The following IL1RAPL1 variants were observed in gnomAD, a reference collection of about 807,000 sequenced individuals.
IL1RAPL1 encodes the protein interleukin-1 receptor accessory protein-like 1.
In IL1RAPL1, 3 loss-of-function variants were observed where a neutral mutation model predicts 48.4. The ratio of observed to expected loss-of-function variants is 0.06; its 90% CI spans 0.03 to 0.16. The LOEUF (loss-of-function observed/expected upper bound fraction) is 0.16. Among genes scored for constraint, IL1RAPL1 ranks in the 10% least tolerant of loss-of-function variants. IL1RAPL1 has a pLI of 1.00. For missense variants in IL1RAPL1, 349 were observed against 530.6 expected (o/e 0.66, Z 3.36); for synonymous variants, 185 against 187.7 (o/e 0.99, Z 0.12).
At chrX:29,955,025 T>G in intron 10 of IL1RAPL1, 77 bp from the exon 11 acceptor site, 1 of 831,999 alleles carries the variant, frequency 1.2e-6, no homozygotes, top group Admixed American at 2.2e-5. Context: ...ATTTAATTTC[T>G]GAAAGAGAAT....
At position 29,637,867 on chromosome X, in the gene IL1RAPL1, T is replaced by A. The variant is rs141644807; in HGVS notation, c.704-30563T>A. On this transcript the variant is annotated intron_variant, in intron 5 of 10. Coordinates refer to ENST00000378993, the MANE Select transcript of IL1RAPL1 (RefSeq NM_014271.4). ...AATAGAATGGTGTACATAGAAACAC[T>A]TGCTCTTTTTAGGCAACTCTAGAAA... 2.2e-3 allele frequency among the ~76,000 whole-genome samples: 245 copies of A among 112,466 alleles called. 1 individual carries two copies. Among genetic ancestry groups the A allele is most frequent in the African/African-American group, 7.5e-3 (234 of 31,004 alleles).
chrX:29,916,409 TA>T (rs1932801153), intron 6 of IL1RAPL1, among the ~76,000 whole-genome samples: 1 of 111,673 alleles, frequency 9.0e-6, no homozygotes, highest in Non-Finnish European at 1.9e-5. Flanking sequence ...GGACTGGTAA[TA>T]TTCTTAAGTA....
At chrX:29,651,355 G>T (rs992757577) in intron 5 of IL1RAPL1, among the ~76,000 whole-genome samples, 5 of 111,066 alleles carry the variant, frequency 4.5e-5, no homozygotes, top group Non-Finnish European at 9.5e-5. Context: ...CATAGCCAAA[G>T]TATGGAATCA....
At chrX:28,678,254 A>T (rs1472283465) in intron 1 of IL1RAPL1, among the ~76,000 whole-genome samples, 2 of 111,386 alleles carry the variant, frequency 1.8e-5, no homozygotes, top group Non-Finnish European at 3.8e-5. Context: ...GCCCGTTGGA[A>T]GATCCGGTTT....
intron 6 of IL1RAPL1, among the ~76,000 whole-genome samples, chrX:29,725,257 C>A (rs966152013): frequency 6.3e-5 from 7 of 111,103 alleles, no homozygotes; most frequent in African/African-American, 2.3e-4. Context: ...ATTTAGGGCA[C>A]AATCTCTCAT....
intron 5 of IL1RAPL1, among the ~76,000 whole-genome samples, chrX:29,559,737 T>G (rs1461126984): frequency 9.0e-6 from 1 of 111,670 alleles, no homozygotes; most frequent in African/African-American, 3.2e-5. Flanking sequence ...GTTAGTTATG[T>G]CTATTTTAAG....
chrX:29,657,317 G>T (rs1925713158), intron 5 of IL1RAPL1, among the ~76,000 whole-genome samples: 1 of 111,532 alleles, frequency 9.0e-6, no homozygotes, highest in Non-Finnish European at 1.9e-5. Context: ...AAGATCTTTA[G>T]CAGCGTCCAT....
intron 2 of IL1RAPL1, among the ~76,000 whole-genome samples, chrX:28,874,478 G>A (rs1172955471): frequency 8.9e-6 from 1 of 111,846 alleles, no homozygotes; most frequent in Admixed American, 9.5e-5. Flanking sequence ...TGCAAATGAT[G>A]ATAAAGAAAC....
intron 2 of IL1RAPL1, among the ~76,000 whole-genome samples, chrX:29,271,390 T>G (rs191703080): frequency 2.2e-3 from 250 of 112,379 alleles, no homozygotes; most frequent in African/African-American, 7.9e-3. Flanking sequence ...GATAATGGGA[T>G]TGCTGGATCA....
At chrX:29,013,632 G>A (rs751096894) in intron 2 of IL1RAPL1, among the ~76,000 whole-genome samples, 11 of 111,583 alleles carry the variant, frequency 9.9e-5, no homozygotes, top group Admixed American at 1.9e-4. Flanking sequence ...AACACCACAC[G>A]TTCTTACTTG....
chrX:29,339,481 A>G (rs1398522418), intron 3 of IL1RAPL1, among the ~76,000 whole-genome samples: 1 of 111,975 alleles, frequency 8.9e-6, no homozygotes, highest in Non-Finnish European at 1.9e-5. Context: ...ATGAAATTTA[A>G]AGAAATACTA....
At chrX:29,950,685 C>CTT (rs67089905) in intron 9 of IL1RAPL1, among the ~76,000 whole-genome samples, 3 of 74,023 alleles carry the variant, frequency 4.1e-5, no homozygotes, top group Admixed American at 1.5e-4. Flanking sequence ...TTTTTTTTTT[C>CTT]TTTTTTTTTG....
Position 29,883,624 on chromosome X carries a change from G to A in IL1RAPL1, c.779-33840G>A, listed in dbSNP as rs953866351. On this transcript the variant is annotated intron_variant, in intron 6 of 10. Coordinates refer to ENST00000378993, the MANE Select transcript of IL1RAPL1 (RefSeq NM_014271.4). ...GATTTCCAGTGCCAGGTGACTTTAC[G>A]ACAAGTTCCCTTAAGGTTACATTTA... 6.3e-5 allele frequency among the ~76,000 whole-genome samples: 7 copies of A among 111,819 alleles called. No individual in the cohort carries two copies. The East Asian group carries it at 8.4e-4, about 13-fold the overall frequency.
At chrX:29,244,940 G>A (rs1487153000) in intron 2 of IL1RAPL1, among the ~76,000 whole-genome samples, 15 of 80,261 alleles carry the variant, frequency 1.9e-4, no homozygotes, top group African/African-American at 5.8e-4. Context: ...CCCACCCCCC[G>A]ACAGGCCCTG....
chrX:29,947,655 A>G (rs1933237099), intron 9 of IL1RAPL1, among the ~76,000 whole-genome samples: 1 of 109,929 alleles, frequency 9.1e-6, no homozygotes. Context: ...AAGGTCACTC[A>G]CTATTCATAG....
intron 5 of IL1RAPL1, among the ~76,000 whole-genome samples, chrX:29,471,070 G>A (rs1271587547): frequency 2.7e-5 from 3 of 111,749 alleles, no homozygotes; most frequent in Non-Finnish European, 5.6e-5. Context: ...GACTGAAGCA[G>A]GTATCAATCA....
chrX:29,773,551 C>T (rs1398499881), intron 6 of IL1RAPL1, among the ~76,000 whole-genome samples: 1 of 112,467 alleles, frequency 8.9e-6, no homozygotes, highest in African/African-American at 3.2e-5. Flanking sequence ...CAGCACAGCT[C>T]AACTCATGTG....
At chrX:29,745,290 G>T (rs1294976923) in intron 6 of IL1RAPL1, among the ~76,000 whole-genome samples, 1 of 110,565 alleles carries the variant, frequency 9.0e-6, no homozygotes, top group Non-Finnish European at 1.9e-5. Flanking sequence ...AGGGAATTCT[G>T]TGTGTGACAT....
chrX:28,961,278 G>A (rs916399149), intron 2 of IL1RAPL1, among the ~76,000 whole-genome samples: 2 of 110,771 alleles, frequency 1.8e-5, no homozygotes, highest in Non-Finnish European at 3.8e-5. Context: ...TAGAACTTAA[G>A]GACAACTGTA....
Sources: gnomAD v4.1 joint callset for allele counts (sites outside exome capture counted in the v4.1 genomes callset) on GRCh38, gnomAD v4.1.1 for gene constraint, MANE v1.5 for transcripts, NCBI Gene and HGNC (gene_info 2026-07-23, HGNC 2026-07-21) for gene names.